KMT2C: variants seen among roughly 807,000 people sequenced by gnomAD.
KMT2C encodes the protein lysine methyltransferase 2C.
In KMT2C, 88 loss-of-function variants were observed where a neutral mutation model predicts 507.9. The ratio of observed to expected loss-of-function variants is 0.17; its 90% CI spans 0.15 to 0.21. The LOEUF (loss-of-function observed/expected upper bound fraction) is 0.21. Among genes scored for constraint, KMT2C ranks in the 10% least tolerant of loss-of-function variants. The pLI, the probability that KMT2C is intolerant of heterozygous loss-of-function variation, is 1.00. For missense variants in KMT2C, 4,954 were observed against 5,957.8 expected, an observed-to-expected ratio of 0.83 and a Z score of 5.55; for synonymous variants, 2,049 against 2,080.8, an observed-to-expected ratio of 0.98 and a Z score of 0.42.
chr7:152,323,073 T>C (rs1352774646), intron 3 of KMT2C, among the ~76,000 whole-genome samples: 2 of 152,000 alleles, frequency 1.3e-5, no homozygotes, highest in Non-Finnish European at 2.9e-5. Flanking sequence ...TGTACATTGC[T>C]GTGGGGGTGT....
At chr7:152,152,640 A>G (rs556274727) in intron 49 of KMT2C, 65 bp downstream of exon 49, 1 of 1,579,198 alleles carries the variant, frequency 6.3e-7, no homozygotes, top group African/African-American at 1.3e-5. Context: ...TCAGTATCTC[A>G]AAGAGTAAGC....
At chr7:152,239,737 A>G (rs949110066) in intron 14 of KMT2C, among the ~76,000 whole-genome samples, 3 of 152,242 alleles carry the variant, frequency 2.0e-5, no homozygotes, top group Non-Finnish European at 4.4e-5. Context: ...GACAAATGTC[A>G]AACAATAAAA....
rs544871293 is a variant in KMT2C at position 152,185,255 on chromosome 7, G to A, written c.5082+303C>T. 7.9e-5 allele frequency among the ~76,000 whole-genome samples: 12 copies of A among 152,184 alleles called. No individual in the cohort carries two copies. In the South Asian group the frequency reaches 2.3e-3, roughly 29 times the overall value. On this transcript the variant is annotated intron_variant, in intron 34 of 58. Coordinates refer to ENST00000262189, the MANE Select transcript of KMT2C (RefSeq NM_170606.3). ...AGATATAGAACTCATGGATACAGACGGCCAACTGTACCTCTGCTGAAGAGA... is the reference window on the plus strand; with the variant it reads ...AGATATAGAACTCATGGATACAGACAGCCAACTGTACCTCTGCTGAAGAGA...
At chr7:152,308,916 A>T (rs6979566) in intron 6 of KMT2C, among the ~76,000 whole-genome samples, 20,923 of 151,996 alleles carry the variant, frequency 0.14, 3,795 homozygotes, top group African/African-American at 0.41. Context: ...AGATGGGAGG[A>T]AGCCGTTTCA....
intron 3 of KMT2C, among the ~76,000 whole-genome samples, chr7:152,319,898 C>T (rs774779479): frequency 1.3e-5 from 2 of 152,182 alleles, no homozygotes; most frequent in South Asian, 2.1e-4. Flanking sequence ...ATGTGACCCA[C>T]GTGACCTTAC....
At chr7:152,354,839 G>C (rs944058184) in intron 2 of KMT2C, among the ~76,000 whole-genome samples, 9 of 152,138 alleles carry the variant, frequency 5.9e-5, no homozygotes, top group African/African-American at 1.9e-4. Context: ...TGAAAACAAT[G>C]GTACTGCATG....
intron 1 of KMT2C, among the ~76,000 whole-genome samples, chr7:152,410,689 A>G (rs2097673346): frequency 6.6e-6 from 1 of 150,384 alleles, no homozygotes; most frequent in Non-Finnish European, 1.5e-5. Context: ...TATGTATATG[A>G]GATGTATATA....
chr7:152,394,069 G>C (rs1053667179), intron 1 of KMT2C, among the ~76,000 whole-genome samples: 1 of 152,132 alleles, frequency 6.6e-6, no homozygotes, highest in South Asian at 2.1e-4. Context: ...AAATCTTTTC[G>C]GCTCTGCCTC....
chr7:152,202,051 G>A (rs1487071652), intron 26 of KMT2C, among the ~76,000 whole-genome samples: 1 of 152,162 alleles, frequency 6.6e-6, no homozygotes, highest in Non-Finnish European at 1.5e-5. Context: ...AATTAAACTA[G>A]TAATACCTAA....
Position 152,146,658 on chromosome 7 carries a change from A to G in KMT2C, c.13972T>C (p.Leu4658=), listed in dbSNP as rs1471373188. Residue 4658 remains leucine (L), a synonymous_variant, in exon 53 of 59, where the codon TTA becomes CTA. Coordinates refer to ENST00000262189, the MANE Select transcript of KMT2C (RefSeq NM_170606.3). ...AGGCCAAACAGATCCTCTCCTTTTA[A>G]ATACGCTGGGAAAAGCTGGAGCATT... is the stretch of plus-strand genomic sequence containing the variant. ...SEMLQLFPAY[L]KGEDLFGLTV... The G allele has an allele frequency of 3.1e-6, 5 of 1,614,114 alleles. No individual in the cohort carries two copies. In the South Asian group the frequency reaches 5.5e-5, roughly 18 times the overall value.
At chr7:152,290,240 GT>G (rs2096389954) in intron 6 of KMT2C, among the ~76,000 whole-genome samples, 1 of 100,852 alleles carries the variant, frequency 9.9e-6, no homozygotes, top group African/African-American at 4.7e-5. Flanking sequence ...GTGTGTGTGT[GT>G]GTGTGTGTGT....
chr7:152,212,027 G>A (rs1405342686), intron 23 of KMT2C, among the ~76,000 whole-genome samples: 1 of 152,032 alleles, frequency 6.6e-6, no homozygotes. Context: ...CAGCCTGGGC[G>A]ACAAAGCAAG....
At chr7:152,333,217 C>T (rs1395354743) in intron 2 of KMT2C, among the ~76,000 whole-genome samples, 1 of 152,078 alleles carries the variant, frequency 6.6e-6, no homozygotes, top group Non-Finnish European at 1.5e-5. Flanking sequence ...TATGATCATT[C>T]GCATTCTTGG....
At chr7:152,215,735 C>T (rs2094567080) in intron 23 of KMT2C, among the ~76,000 whole-genome samples, 2 of 150,166 alleles carry the variant, frequency 1.3e-5, no homozygotes, top group African/African-American at 5.0e-5. Flanking sequence ...CACACACACA[C>T]ACACACACAC....
intron 22 of KMT2C, among the ~76,000 whole-genome samples, 187 bp from the exon 23 acceptor site, chr7:152,220,922 C>T (rs1426225635): frequency 6.6e-6 from 1 of 152,138 alleles, no homozygotes; most frequent in African/African-American, 2.4e-5. Flanking sequence ...GGTCAAATTT[C>T]CTTGGATTAC....
chr7:152,171,854 T>A (rs2092976781), intron 39 of KMT2C, among the ~76,000 whole-genome samples: 1 of 152,224 alleles, frequency 6.6e-6, no homozygotes, highest in South Asian at 2.1e-4. Flanking sequence ...TTTCATACAT[T>A]TTCATACATT....
intron 1 of KMT2C, among the ~76,000 whole-genome samples, chr7:152,373,670 TAA>T (rs1318678621): frequency 2.6e-5 from 4 of 152,194 alleles, no homozygotes; most frequent in African/African-American, 4.8e-5. Flanking sequence ...ACTGAAATGT[TAA>T]AAGAGTTCTT....
At chr7:152,412,766 T>C (rs55750920) in intron 1 of KMT2C, among the ~76,000 whole-genome samples, 107 of 137,014 alleles carry the variant, frequency 7.8e-4, no homozygotes, top group African/African-American at 2.7e-3. Context: ...AATATTGTGG[T>C]GGGGGGGATG....
chr7:152,237,729 G>A (rs1232743303), intron 15 of KMT2C, among the ~76,000 whole-genome samples: 1 of 152,142 alleles, frequency 6.6e-6, no homozygotes, highest in Non-Finnish European at 1.5e-5. Flanking sequence ...TCGAACTCCT[G>A]ACCTCAAGTG....
Sources: gnomAD v4.1 joint callset for allele counts (sites outside exome capture counted in the v4.1 genomes callset) on GRCh38, gnomAD v4.1.1 for gene constraint, MANE v1.5 for transcripts, NCBI Gene and HGNC (gene_info 2026-07-23, HGNC 2026-07-21) for gene names.